CHRM3: variants seen among roughly 807,000 people sequenced by gnomAD.
CHRM3 encodes muscarinic acetylcholine receptor M3.
Under a neutral mutation model 41.8 loss-of-function variants are expected in CHRM3, and 11 were observed. That is an observed-to-expected ratio of 0.26 (90% CI 0.17 to 0.44). CHRM3 has a LOEUF of 0.44. Among genes scored for constraint, CHRM3 ranks in the 20% least tolerant of loss-of-function variants. CHRM3 has a pLI of 1.00. For synonymous variants in CHRM3, 297 were observed against 301.4 expected, an observed-to-expected ratio of 0.99 and a Z score of 0.15; for missense variants, 571 against 745.4, an observed-to-expected ratio of 0.77 and a Z score of 2.72.
At chr1:239,390,965 C>T (rs903254279) in intron 1 of CHRM3, among the ~76,000 whole-genome samples, 3 of 152,164 alleles carry the variant, frequency 2.0e-5, no homozygotes, top group African/African-American at 4.8e-5. Flanking sequence ...AGCCAGACCC[C>T]ATCTCTACAA....
At chr1:239,494,294 T>G (rs996706069) in intron 2 of CHRM3, among the ~76,000 whole-genome samples, 7 of 152,210 alleles carry the variant, frequency 4.6e-5, no homozygotes, top group Middle Eastern at 3.4e-3. Flanking sequence ...CGTCTGCTGG[T>G]TCCTGCCAAT....
intron 5 of CHRM3, among the ~76,000 whole-genome samples, chr1:239,711,743 A>AC (rs1397223611): frequency 1.3e-5 from 2 of 151,418 alleles, no homozygotes; most frequent in East Asian, 3.9e-4. Context: ...AGACTAAAGA[A>AC]CAGGGGTGAG....
At position 239,498,845 on chromosome 1, in the gene CHRM3, A is replaced by G. The variant is rs537028047; in HGVS notation, c.-422+6038A>G. 2.6e-5 allele frequency among the ~76,000 whole-genome samples: 4 copies of G among 152,304 alleles called. No homozygotes were observed. The South Asian group carries it at 6.2e-4, about 24-fold the overall frequency. ...AGATTCTGGGCATTTGCAAGTTACT[A>G]TGCGGTTATACATCTGACCTACTTT... On this transcript the variant is annotated intron_variant, in intron 2 of 6. Transcript: ENST00000676153.
At chr1:239,609,848 G>C (rs961521814) in intron 3 of CHRM3, among the ~76,000 whole-genome samples, 1 of 152,080 alleles carries the variant, frequency 6.6e-6, no homozygotes, top group African/African-American at 2.4e-5. Flanking sequence ...GTCTTGTAGA[G>C]TGTAATCATT....
chr1:239,488,839 A>G (rs1318956192), intron 1 of CHRM3, among the ~76,000 whole-genome samples: 1 of 151,496 alleles, frequency 6.6e-6, no homozygotes. Flanking sequence ...TACTGTACTT[A>G]AGTTACAATT....
intron 5 of CHRM3, among the ~76,000 whole-genome samples, chr1:239,768,499 T>A (rs373288072): frequency 6.6e-6 from 1 of 151,952 alleles, no homozygotes; most frequent in Non-Finnish European, 1.5e-5. Flanking sequence ...AAAATAAACA[T>A]GGTGAAAATT....
chr1:239,676,707 C>T (rs1658035370), intron 4 of CHRM3, among the ~76,000 whole-genome samples: 2 of 152,174 alleles, frequency 1.3e-5, no homozygotes. Flanking sequence ...GCTCCTTAAC[C>T]TCAGTTCCCC....
chr1:239,534,910 A>T (rs1219591465), intron 2 of CHRM3, among the ~76,000 whole-genome samples: 1 of 152,206 alleles, frequency 6.6e-6, no homozygotes, highest in Non-Finnish European at 1.5e-5. Flanking sequence ...TTGAGTAAAG[A>T]CTTATTTTGA....
At chr1:239,512,876 A>C (rs1265665733) in intron 2 of CHRM3, among the ~76,000 whole-genome samples, 1 of 151,488 alleles carries the variant, frequency 6.6e-6, no homozygotes, top group Non-Finnish European at 1.5e-5. Context: ...GGCCCAGGTT[A>C]TCTGTGGGTT....
intron 1 of CHRM3, among the ~76,000 whole-genome samples, chr1:239,396,477 T>C (rs1013535758): frequency 6.6e-6 from 1 of 152,054 alleles, no homozygotes; most frequent in African/African-American, 2.4e-5. Flanking sequence ...TGGATTTGAT[T>C]GTGCACCTGC....
At chr1:239,745,619 T>C (rs113683777) in intron 5 of CHRM3, among the ~76,000 whole-genome samples, 15 of 152,116 alleles carry the variant, frequency 9.9e-5, no homozygotes, top group African/African-American at 3.6e-4. Flanking sequence ...CATTAGGTAT[T>C]TCTCCTAATG....
chr1:239,722,877 A>G (rs1572098963), intron 5 of CHRM3, among the ~76,000 whole-genome samples: 1 of 151,906 alleles, frequency 6.6e-6, no homozygotes, highest in Non-Finnish European at 1.5e-5. Context: ...AAATATGAAC[A>G]TGTATCAACT....
intron 5 of CHRM3, among the ~76,000 whole-genome samples, chr1:239,773,423 T>C (rs894604757): frequency 3.9e-5 from 6 of 152,226 alleles, no homozygotes; most frequent in Admixed American, 6.5e-5. Context: ...TAGTTGCTGC[T>C]ATTGAATTAA....
chr1:239,760,217 GC>G (rs1482829753), intron 5 of CHRM3, among the ~76,000 whole-genome samples: 3 of 151,766 alleles, frequency 2.0e-5, no homozygotes, highest in African/African-American at 7.3e-5. Context: ...GAGCCACCGT[GC>G]CCGGCCAATA....
chr1:239,524,659 T>C (rs1357083325), intron 2 of CHRM3, among the ~76,000 whole-genome samples: 2 of 152,100 alleles, frequency 1.3e-5, no homozygotes, highest in African/African-American at 2.4e-5. Flanking sequence ...GAGTAAGCCA[T>C]GTACTACCTT....
chr1:239,802,279 A>G (rs1572342312), intron 5 of CHRM3, among the ~76,000 whole-genome samples: 1 of 152,212 alleles, frequency 6.6e-6, no homozygotes, highest in African/African-American at 2.4e-5. Context: ...ACAATTAAGC[A>G]TGTGCCATAG....
intron 2 of CHRM3, among the ~76,000 whole-genome samples, chr1:239,517,174 A>G (rs1461097916): frequency 6.6e-6 from 1 of 152,178 alleles, no homozygotes; most frequent in African/African-American, 2.4e-5. Context: ...CCTGGTGCCC[A>G]AAAGTTTGGA....
intron 6 of CHRM3, among the ~76,000 whole-genome samples, chr1:239,881,246 G>A (rs552207287): frequency 1.6e-3 from 172 of 109,766 alleles, no homozygotes; most frequent in Middle Eastern, 9.3e-3. Flanking sequence ...TCCCGCCCCT[G>A]CACTCCAGCC....
intron 6 of CHRM3, among the ~76,000 whole-genome samples, chr1:239,890,749 T>C: frequency 6.6e-6 from 1 of 152,202 alleles, no homozygotes; most frequent in Middle Eastern, 3.2e-3. Context: ...CAATAAGACA[T>C]GTTGAATCTT....
Sources: gnomAD v4.1 joint callset for allele counts (sites outside exome capture counted in the v4.1 genomes callset) on GRCh38, gnomAD v4.1.1 for gene constraint, MANE v1.5 for transcripts, NCBI Gene and HGNC (gene_info 2026-07-23, HGNC 2026-07-21) for gene names.